The following MEI4 variants were observed in gnomAD, a reference collection of about 807,000 sequenced individuals.
MEI4 encodes the protein meiosis-specific protein MEI4.
MEI4 carries 27 observed loss-of-function variants against 31.4 expected under a neutral mutation model. The observed-to-expected ratio is 0.86, with a 90% CI of 0.63 to 1.19. The LOEUF is 1.19. Ranked by LOEUF, MEI4 falls within the 50% of genes most tolerant of loss-of-function variation. The pLI is 0.00. For missense variants in MEI4, 329 were observed against 398.9 expected, an observed-to-expected ratio of 0.82 and a Z score of 1.49; for synonymous variants, 122 against 145.4, an observed-to-expected ratio of 0.84 and a Z score of 1.16.
intron 4 of MEI4, among the ~76,000 whole-genome samples, chr6:77,894,998 C>G (rs1301100051): frequency 2.0e-5 from 3 of 152,180 alleles, no homozygotes; most frequent in African/African-American, 4.8e-5. Context: ...AATGGACATA[C>G]AGATCTCTAC....
intron 1 of MEI4, among the ~76,000 whole-genome samples, chr6:77,673,979 G>A (rs1768794045): frequency 6.6e-6 from 1 of 152,092 alleles, no homozygotes; most frequent in Admixed American, 6.6e-5. Flanking sequence ...TCTAAAATGT[G>A]GAAGCATTTA....
rs1766790053 is a variant in MEI4 at position 77,924,260 on chromosome 6, T to C, written c.*914T>C. 1 of 151,894 alleles carries C rather than the reference T, an allele frequency of 6.6e-6. No individual in the cohort carries two copies. The highest frequency in any genetic ancestry group is 1.5e-5 in the Non-Finnish European group (1 of 67,892). 9.4% of individuals were successfully genotyped at this position (151,894 alleles called of 1,614,324 possible). ...ATAAATTTCCTTTATTAATGATATGTGATGGTGTTTCATAAGTTAATTAGC... is the reference window on the plus strand; with the variant it reads ...ATAAATTTCCTTTATTAATGATATGCGATGGTGTTTCATAAGTTAATTAGC... On this transcript the variant is annotated 3_prime_UTR_variant, in exon 5 of 5. Transcript: ENST00000684080.
chr6:77,655,349 A>T (rs535851239), intron 1 of MEI4, among the ~76,000 whole-genome samples: 2 of 152,352 alleles, frequency 1.3e-5, no homozygotes, highest in South Asian at 4.1e-4. Flanking sequence ...TATTGTAAAC[A>T]GTGCTGCAAT....
At chr6:77,838,014 T>G (rs1234809443) in intron 4 of MEI4, among the ~76,000 whole-genome samples, 1 of 152,172 alleles carries the variant, frequency 6.6e-6, no homozygotes, top group Non-Finnish European at 1.5e-5. Context: ...GTAATCATAT[T>G]TGCATTTAGC....
rs1221132999 is a variant in MEI4 at position 77,925,749 on chromosome 6, A to G, written c.*2403A>G. The stretch of plus-strand genomic sequence containing the variant: ...TGCTATAACTCTTATACTATTTAAT[A>G]TAAGCTATAATAAATATATGATAAT... On this transcript the variant is annotated 3_prime_UTR_variant, in exon 5 of 5. Coordinates refer to ENST00000684080, the MANE Select transcript of MEI4 (RefSeq NM_001322247.2). 6.7e-6 allele frequency: 1 copy of G among 148,920 alleles called. No individual in the cohort carries two copies. Among genetic ancestry groups the G allele is most frequent in the Admixed American group, 6.8e-5 (1 of 14,772 alleles). The allele number at this position is 148,920 out of a possible 1,614,324, so 9.2% of individuals were successfully genotyped here.
At chr6:77,661,436 C>T (rs1012540311) in intron 1 of MEI4, among the ~76,000 whole-genome samples, 2 of 152,150 alleles carry the variant, frequency 1.3e-5, no homozygotes, top group East Asian at 1.9e-4. Flanking sequence ...CTCTACCCAT[C>T]CAGTGAAAGT....
At chr6:77,821,406 GA>G (rs1282149535) in intron 3 of MEI4, among the ~76,000 whole-genome samples, 8 of 151,352 alleles carry the variant, frequency 5.3e-5, no homozygotes, top group Non-Finnish European at 5.9e-5. Flanking sequence ...GCAGTTGCCA[GA>G]AAAAAAAAGT....
At chr6:77,709,095 T>G (rs1766397519) in intron 2 of MEI4, among the ~76,000 whole-genome samples, 1 of 152,182 alleles carries the variant, frequency 6.6e-6, no homozygotes, top group Non-Finnish European at 1.5e-5. Flanking sequence ...TGTGATAATA[T>G]TTCTTGTTTT....
intron 1 of MEI4, among the ~76,000 whole-genome samples, chr6:77,669,692 G>C (rs552430263): frequency 2.0e-5 from 3 of 152,112 alleles, no homozygotes; most frequent in African/African-American, 7.2e-5. Flanking sequence ...TGTCTGTATC[G>C]TAATAGCTAA....
At chr6:77,771,660 A>G (rs892193651) in intron 3 of MEI4, among the ~76,000 whole-genome samples, 1 of 152,262 alleles carries the variant, frequency 6.6e-6, no homozygotes, top group South Asian at 2.1e-4. Flanking sequence ...ACTGGAGACC[A>G]TTATCCTTGG....
chr6:77,878,176 C>A (rs1771390585), intron 4 of MEI4, among the ~76,000 whole-genome samples: 1 of 151,958 alleles, frequency 6.6e-6, no homozygotes, highest in African/African-American at 2.4e-5. Flanking sequence ...TTTCTACATA[C>A]ATTTTTCTAT....
At chr6:77,790,324 G>A (rs1210277297) in intron 3 of MEI4, among the ~76,000 whole-genome samples, 5 of 151,724 alleles carry the variant, frequency 3.3e-5, no homozygotes, top group Non-Finnish European at 7.4e-5. Flanking sequence ...AATGGGTGCA[G>A]CACACCAACA....
At chr6:77,666,691 T>A in intron 1 of MEI4, among the ~76,000 whole-genome samples, 1 of 152,188 alleles carries the variant, frequency 6.6e-6, no homozygotes, top group Admixed American at 6.5e-5. Context: ...AGCCGTTATG[T>A]TAGTCTTGCT....
At chr6:77,895,142 G>T (rs567896511) in intron 4 of MEI4, among the ~76,000 whole-genome samples, 1 of 151,970 alleles carries the variant, frequency 6.6e-6, no homozygotes, top group African/African-American at 2.4e-5. Flanking sequence ...ATGTCTATAC[G>T]TATCTTCTTT....
chr6:77,809,098 C>G (rs1269128793), intron 3 of MEI4, among the ~76,000 whole-genome samples: 1 of 152,098 alleles, frequency 6.6e-6, no homozygotes, highest in Non-Finnish European at 1.5e-5. Context: ...TACCAGAGGA[C>G]AAGTTAGAGG....
At chr6:77,665,277 G>A (rs368348137) in intron 1 of MEI4, among the ~76,000 whole-genome samples, 2 of 150,790 alleles carry the variant, frequency 1.3e-5, no homozygotes, top group East Asian at 1.9e-4. Context: ...AGGGATTGGG[G>A]GTTCTTGCCC....
intron 3 of MEI4, among the ~76,000 whole-genome samples, chr6:77,799,795 G>T (rs1280067418): frequency 6.6e-6 from 1 of 152,140 alleles, no homozygotes; most frequent in Non-Finnish European, 1.5e-5. Context: ...TCAAAGATCA[G>T]ATAGTTGTAG....
intron 2 of MEI4, among the ~76,000 whole-genome samples, chr6:77,744,619 C>T (rs545043112): frequency 8.1e-4 from 124 of 152,200 alleles, no homozygotes; most frequent in East Asian, 1.7e-3. Flanking sequence ...ATACAGAGAA[C>T]GCCACAAAGA....
intron 4 of MEI4, among the ~76,000 whole-genome samples, chr6:77,871,970 A>C (rs1040207100): frequency 6.6e-6 from 1 of 152,158 alleles, no homozygotes; most frequent in South Asian, 2.1e-4. Flanking sequence ...GTTTCCCTCT[A>C]AGATAATTAT....
Sources: gnomAD v4.1 joint callset for allele counts (sites outside exome capture counted in the v4.1 genomes callset) on GRCh38, gnomAD v4.1.1 for gene constraint, MANE v1.5 for transcripts, NCBI Gene and HGNC (gene_info 2026-07-23, HGNC 2026-07-21) for gene names.